Variants in CFAP92 observed in about 807,000 individuals in gnomAD.
CFAP92 encodes the protein cilia and flagella associated protein 92 (putative), also known as uncharacterized protein CFAP92.
A neutral mutation model predicts 106.3 loss-of-function variants in CFAP92; 86 were observed. That is an observed-to-expected ratio of 0.81 (90% CI 0.68 to 0.97). The LOEUF (loss-of-function observed/expected upper bound fraction) is 0.97. Among genes scored for constraint, CFAP92 ranks in the 50% least tolerant of loss-of-function variants. The pLI, the probability that CFAP92 is intolerant of heterozygous loss-of-function variation, is 0.00. For missense variants in CFAP92, 1,204 were observed against 1,283.8 expected, an observed-to-expected ratio of 0.94 and a Z score of 0.95; for synonymous variants, 477 against 506.4, an observed-to-expected ratio of 0.94 and a Z score of 0.78.
At position 128,945,420 on chromosome 3, in the gene CFAP92, C is replaced by G; in HGVS notation, c.1909G>C (p.Asp637His). Residue 637 changes from aspartate to histidine, a missense_variant, in exon 10 of 16, where the codon GAC becomes CAC. Physicochemically the swap from Asp to His is moderately conservative, Grantham distance 81 (BLOSUM62 -1). Coordinates refer to ENST00000645291, the MANE Select transcript of CFAP92 (RefSeq NM_001394090.1). ...EADSQLKLRV[D>H]IAVPLRAGAR... ...CCGGCCCTCAGTGGCACCGCGATGT[C>G]CACTCGCAACTTGAGCTGGGAGTCA... 6.5e-7 allele frequency: 1 copy of G among 1,536,136 alleles called. No homozygotes were observed. The highest frequency in any genetic ancestry group is 8.7e-7 in the Non-Finnish European group (1 of 1,146,914).
At chr3:128,912,993 C>G (rs1480959563) in intron 15 of CFAP92, 2 of 464,970 alleles carry the variant, frequency 4.3e-6, no homozygotes, top group South Asian at 3.1e-5. Flanking sequence ...CACACATTCT[C>G]TAAGAAACAG....
intron 4 of CFAP92, among the ~76,000 whole-genome samples, chr3:128,986,959 G>A (rs1943892508): frequency 6.6e-6 from 1 of 152,160 alleles, no homozygotes; most frequent in Non-Finnish European, 1.5e-5. Flanking sequence ...TCAGGAGTTC[G>A]AGACCAGCCT....
intron 2 of CFAP92, among the ~76,000 whole-genome samples, chr3:128,990,465 C>A (rs1031326831): frequency 6.6e-6 from 1 of 152,238 alleles, no homozygotes; most frequent in Non-Finnish European, 1.5e-5. Flanking sequence ...CCACTGTACT[C>A]CAGCCTGGGT....
intron 12 of CFAP92, among the ~76,000 whole-genome samples, chr3:128,926,638 G>C (rs1316395067): frequency 6.6e-6 from 1 of 152,184 alleles, no homozygotes; most frequent in Non-Finnish European, 1.5e-5. Flanking sequence ...AGGAAGAAAA[G>C]AGCAAGGAAA....
intron 3 of CFAP92, among the ~76,000 whole-genome samples, chr3:128,988,058 T>C (rs1356868460): frequency 6.6e-6 from 1 of 152,160 alleles, no homozygotes; most frequent in African/African-American, 2.4e-5. Context: ...TACCTGCAAA[T>C]AGCATCCTCC....
At chr3:129,004,055 G>T, upstream of CFAP92, 1 of 1,511,232 alleles carries the variant, frequency 6.6e-7, no homozygotes, top group Non-Finnish European at 8.8e-7. Flanking sequence ...GCGGCGGCTG[G>T]AGGCGGAGCT....
chr3:128,943,374 G>A (rs184948699), intron 10 of CFAP92, among the ~76,000 whole-genome samples: 87 of 108,132 alleles, frequency 8.0e-4, no homozygotes, highest in African/African-American at 4.8e-3. Context: ...TTGCCCTCCC[G>A]AGTGGTTATC....
chr3:129,007,423 T>C (rs9821769), upstream of CFAP92, among the ~76,000 whole-genome samples: 103,766 of 152,152 alleles, frequency 0.68, 37,081 homozygotes, highest in African/African-American at 0.92. Context: ...GGAATGTCTC[T>C]AGGTGCTCTG....
chr3:128,968,357 C>G (rs1942536186), intron 8 of CFAP92: 1 of 152,224 alleles, frequency 6.6e-6, no homozygotes, highest in African/African-American at 2.4e-5. Context: ...GGTATACATA[C>G]ATGATCTATG....
intron 1 of CFAP92, among the ~76,000 whole-genome samples, chr3:128,999,636 T>G (rs1944623602): frequency 6.7e-6 from 1 of 148,876 alleles, no homozygotes; most frequent in African/African-American, 2.5e-5. Flanking sequence ...CCTCCCAGGT[T>G]CAAGCGATTC....
chr3:128,980,154 T>G (rs1943437444), intron 4 of CFAP92, among the ~76,000 whole-genome samples: 4 of 151,632 alleles, frequency 2.6e-5, no homozygotes, highest in Non-Finnish European at 5.9e-5. Context: ...GAGGATCGCT[T>G]GAGGCCAGGA....
At chr3:128,953,079 A>C (rs944881715) in intron 9 of CFAP92, among the ~76,000 whole-genome samples, 1 of 152,192 alleles carries the variant, frequency 6.6e-6, no homozygotes, top group African/African-American at 2.4e-5. Flanking sequence ...CAACTCAAAA[A>C]GCAAAACAAA....
intron 1 of CFAP92, chr3:129,002,467 A>C (rs6769662): frequency 0.6 from 813,210 of 1,366,310 alleles, 246,199 homozygotes; most frequent in African/African-American, 0.92. Context: ...CCGCATCAGC[A>C]CACTTGCATC....
chr3:128,977,117 T>A (rs1943207903), intron 5 of CFAP92, 51 bp from the exon 6 acceptor site: 1 of 1,488,348 alleles, frequency 6.7e-7, no homozygotes, highest in Non-Finnish European at 9.4e-7. Flanking sequence ...GCTAGTTCAC[T>A]AAGAAATGAG....
intron 15 of CFAP92, chr3:128,912,940 G>A (rs1397276650): frequency 1.9e-6 from 1 of 518,588 alleles, no homozygotes; most frequent in Non-Finnish European, 3.8e-6. Context: ...GTGTGAGGTG[G>A]GTGGGGACCT....
intron 15 of CFAP92, 100 bp from the exon 16 acceptor site, chr3:128,910,433 G>T (rs1559833675): frequency 1.7e-5 from 21 of 1,241,896 alleles, no homozygotes; most frequent in Non-Finnish European, 2.2e-5. Context: ...CTGGAGGGAG[G>T]CGGGTGCAGT....
chr3:128,942,111 GTT>G (rs1236758358), intron 10 of CFAP92, among the ~76,000 whole-genome samples: 2 of 152,176 alleles, frequency 1.3e-5, no homozygotes, highest in Admixed American at 1.3e-4. Flanking sequence ...AGTTCAGAAG[GTT>G]TCTGAGACCG....
chr3:129,023,708 T>G, the CFAP92 span, among the ~76,000 whole-genome samples: 1,341 of 152,324 alleles, frequency 8.8e-3, 25 homozygotes, highest in African/African-American at 0.031. Flanking sequence ...GGTTATAATA[T>G]TTACCACTAC....
Position 129,001,680 on chromosome 3 carries a change from G to C in CFAP92, n.117+894C>G. ...GGCCGGCATGGAGGGCGCGGGAGGT[G>C]ACCCGTACCGGCGACCTGCGCGGCG... On this transcript the variant is annotated intron_variant and non_coding_transcript_variant, in intron 1 of 4. Coordinates refer to the CFAP92 transcript ENST00000510149. The C allele has an allele frequency of 2.0e-6, 3 of 1,473,240 alleles. No individual in the cohort carries two copies. The highest frequency in any genetic ancestry group is 2.7e-5 in the South Asian group (2 of 75,310). 91.3% of individuals were successfully genotyped at this position (1,473,240 alleles called of 1,614,324 possible). A position where few individuals can be genotyped will look rare whatever the true frequency, so the allele number is the denominator to read the frequency against.
Sources: gnomAD v4.1 joint callset for allele counts (sites outside exome capture counted in the v4.1 genomes callset) on GRCh38, gnomAD v4.1.1 for gene constraint, MANE v1.5 for transcripts, NCBI Gene and HGNC (gene_info 2026-07-23, HGNC 2026-07-21) for gene names.